The following RBM43 variants were observed in gnomAD, a reference collection of about 807,000 sequenced individuals.
RBM43 encodes RNA binding motif protein 43.
Under a neutral mutation model 12.4 loss-of-function variants are expected in RBM43, and 12 were observed. That is an observed-to-expected ratio of 0.97 (90% CI 0.62 to 1.57). The LOEUF (loss-of-function observed/expected upper bound fraction) is 1.57. Ranked by LOEUF, RBM43 falls within the 40% of genes most tolerant of loss-of-function variation. The pLI is 0.00. For missense variants in RBM43, 348 were observed against 400.1 expected, an observed-to-expected ratio of 0.87 and a Z score of 1.11; for synonymous variants, 138 against 145.7, an observed-to-expected ratio of 0.95 and a Z score of 0.38.
intron 1 of RBM43, 89 bp from the exon 2 acceptor site, chr2:151,255,832 T>C (rs1162514251): frequency 5.0e-6 from 5 of 1,003,634 alleles, no homozygotes; most frequent in Non-Finnish European, 7.6e-6. Context: ...GAATATCTTA[T>C]TCTATAAAAG....
chr2:151,252,944 A>G (rs1682924377), intron 2 of RBM43, 89 bp from the exon 3 acceptor site: 1 of 579,352 alleles, frequency 1.7e-6, no homozygotes, highest in Non-Finnish European at 3.0e-6. Context: ...TTATAGAAGA[A>G]TGTCTAAGAT....
intron 1 of RBM43, among the ~76,000 whole-genome samples, chr2:151,257,779 C>G (rs1006739877): frequency 1.3e-5 from 2 of 151,536 alleles, no homozygotes; most frequent in South Asian, 4.2e-4. Flanking sequence ...ATTGAAAACA[C>G]ATGGAAGTGG....
intron 3 of RBM43, among the ~76,000 whole-genome samples, chr2:151,252,243 C>T (rs1682911783): frequency 6.6e-6 from 1 of 152,148 alleles, no homozygotes; most frequent in Non-Finnish European, 1.5e-5. Context: ...TTAAGTGAGG[C>T]TGGGCGTGGT....
At chr2:151,255,140 C>T (rs995702688) in intron 2 of RBM43, among the ~76,000 whole-genome samples, 12 of 152,108 alleles carry the variant, frequency 7.9e-5, no homozygotes, top group Admixed American at 2.6e-4. Flanking sequence ...TTTAGCCAGG[C>T]GTGGTGGCTC....
chr2:151,258,078 AG>A (rs1185497859), intron 1 of RBM43, among the ~76,000 whole-genome samples: 1 of 152,142 alleles, frequency 6.6e-6, no homozygotes, highest in Non-Finnish European at 1.5e-5. Context: ...TAAAAAAAAA[AG>A]AAAGAAAGAA....
In RBM43 at chr2:151,255,643, A is replaced by C; in HGVS notation, c.104T>G (p.Leu35Ter). 1 of 1,613,680 alleles carries C rather than the reference A, an allele frequency of 6.2e-7. No homozygotes were observed. The highest frequency in any genetic ancestry group is 8.5e-7 in the Non-Finnish European group (1 of 1,179,682). Residue 35 changes from leucine (L) to a stop codon, truncating the protein, a stop_gained, in exon 2 of 4, where the codon TTA (leucine) becomes TGA (stop). Coordinates refer to ENST00000331426, the MANE Select transcript of RBM43 (RefSeq NM_198557.3). LOFTEE classifies it high-confidence loss of function. ...AATGTCTTGGAAGTGGCTCTTCACT[A>C]ATACGGCCAATAATTGATCACTAAA... ...DLFSDQLLAVLVKSHFQDIKN... is the reference protein window; with the variant it reads ...DLFSDQLLAV
Position 151,250,852 on chromosome 2 carries a change from G to T in RBM43, c.*54C>A. Reference sequence around the variant, plus strand: ...TAAAGCTAGCCTCATTCATGGCAATGGTCACTGCTCAGCAAGAGAAAGCAG... The same window carrying T: ...TAAAGCTAGCCTCATTCATGGCAATTGTCACTGCTCAGCAAGAGAAAGCAG... On this transcript the variant is annotated 3_prime_UTR_variant, in exon 4 of 4. Transcript: ENST00000331426. 7.6e-7 allele frequency: 1 copy of T among 1,310,038 alleles called. No homozygotes were observed. The highest frequency in any genetic ancestry group is 1.1e-6 in the Non-Finnish European group (1 of 946,466). 81.2% of individuals were successfully genotyped at this position (1,310,038 alleles called of 1,614,324 possible).
Position 151,249,908 on chromosome 2 carries a change from T to A in RBM43, c.*998A>T, listed in dbSNP as rs554213773. ...CAATATTATGTGTCCCAAGTACTTT[T>A]TCCCCCTAGCTTCTTGAGTCTGTTT... On this transcript the variant is annotated 3_prime_UTR_variant, in exon 4 of 4. Transcript: ENST00000331426. 7.9e-5 allele frequency: 12 copies of A among 152,328 alleles called. No homozygotes were observed. Among genetic ancestry groups the A allele is most frequent in the Admixed American group, 7.8e-4 (12 of 15,304 alleles). 9.4% of individuals were successfully genotyped at this position (152,328 alleles called of 1,614,324 possible).
At chr2:151,253,443 T>A (rs1159159855) in intron 2 of RBM43, among the ~76,000 whole-genome samples, 1 of 152,144 alleles carries the variant, frequency 6.6e-6, no homozygotes, top group African/African-American at 2.4e-5. Context: ...CTAATAGGCA[T>A]CTCATTGACC....
rs1337114564 is a variant in RBM43, at chr2:151,250,359, G to A, written c.*547C>T. On this transcript the variant is annotated 3_prime_UTR_variant, in exon 4 of 4. Transcript: ENST00000331426. ...CGCCTGTAATCCCAGCACTTTGGGA[G>A]GCCGAGGCGGGTGGATCACAAGGTC... 1 of 152,174 alleles carries A rather than the reference G, an allele frequency of 6.6e-6. No homozygotes were observed. 9.4% of individuals were successfully genotyped at this position (152,174 alleles called of 1,614,324 possible).
chr2:151,261,017 T>C (rs1339137237), intron 1 of RBM43: 6 of 462,780 alleles, frequency 1.3e-5, no homozygotes, highest in African/African-American at 1.2e-4. Context: ...AAATCAGTTG[T>C]TTATTTTCAA....
chr2:151,250,955 T>G lies in RBM43; in HGVS notation c.1025A>C (p.Tyr342Ser). The G allele has an allele frequency of 6.2e-7, 1 of 1,607,838 alleles. No individual in the cohort carries two copies. The change falls in exon 4 of 4, where the codon TAC (tyrosine) becomes TCC (serine). Residue 342 changes from tyrosine to serine, a missense_variant. Physicochemically the swap from Tyr to Ser is moderately radical, Grantham distance 144. Transcript: ENST00000331426. ...TTTCATGACCCCTTTTTTAAACAGGTAAGTGTCAGAAGAAGATCCTATAAT... is the reference window on the plus strand; with the variant it reads ...TTTCATGACCCCTTTTTTAAACAGGGAAGTGTCAGAAGAAGATCCTATAAT... ...IDIIGSSSDTYLFKKGVMKLI... is the reference protein window; with the variant it reads ...IDIIGSSSDTSLFKKGVMKLI...
At chr2:151,255,455 A>C (rs1019770925) in intron 2 of RBM43, 78 bp downstream of exon 2, 2 of 1,008,732 alleles carry the variant, frequency 2.0e-6, no homozygotes, top group African/African-American at 3.3e-5. Context: ...AATTCCGTGG[A>C]TCATTTTAAT....
Position 151,248,782 on chromosome 2 carries a change from T to A in RBM43, c.*2124A>T, listed in dbSNP as rs1682853139. The A allele has an allele frequency of 6.6e-6, 1 of 152,100 alleles. No homozygotes were observed. Among genetic ancestry groups the A allele is most frequent in the African/African-American group, 2.4e-5 (1 of 41,394 alleles). The allele number at this position is 152,100 out of a possible 1,614,324, so 9.4% of individuals were successfully genotyped here. The stretch of plus-strand genomic sequence containing the variant: ...GGGTGCTCTGATTTAATGTCAACTA[T>A]GCAAAAGCCAAGTAAATGCAAGCAC... On this transcript the variant is annotated 3_prime_UTR_variant, in exon 4 of 4. Coordinates refer to ENST00000331426, the MANE Select transcript of RBM43 (RefSeq NM_198557.3).
Position 151,261,570 on chromosome 2 carries a change from GC to G in RBM43, c.3+154del. Reference sequence around the variant, plus strand: ...CCGCCGGGGTGGACGGCTCTCCGGGGCCCCCGGGGTCCCTGGGGCCCCTCCG... The same window carrying G: ...CCGCCGGGGTGGACGGCTCTCCGGGGCCCCGGGGTCCCTGGGGCCCCTCCG... On this transcript the variant is annotated intron_variant, in intron 1 of 3. Coordinates refer to ENST00000331426, the MANE Select transcript of RBM43 (RefSeq NM_198557.3). 3 of 1,540,452 alleles carry G rather than the reference GC, an allele frequency of 1.9e-6. No individual in the cohort carries two copies. The South Asian group carries it at 3.6e-5, about 18-fold the overall frequency.
chr2:151,256,116 C>A (rs1682970108), intron 1 of RBM43, among the ~76,000 whole-genome samples: 2 of 152,118 alleles, frequency 1.3e-5, no homozygotes, highest in African/African-American at 4.8e-5. Flanking sequence ...TGCCCACCAC[C>A]ACACCCAGCT....
In RBM43 at chr2:151,251,026, C is replaced by G; in HGVS notation, c.954G>C (p.Ser318=). The G allele has an allele frequency of 1.9e-6, 3 of 1,614,010 alleles. No homozygotes were observed. Among genetic ancestry groups the G allele is most frequent in the South Asian group, 2.2e-5 (2 of 91,082 alleles). ...GGTTAATCAGGACTTCAAGGTATCT[C>G]GAACTTAATTGTTCACATGCCCTTT... is the stretch of plus-strand genomic sequence containing the variant. ...MIKRACEQLS[S]RYLEVLINLY... is the part of the protein sequence containing the mutation. Residue 318 remains serine (S), a synonymous_variant, in exon 4 of 4, where the codon TCG becomes TCC. Transcript: ENST00000331426.
intron 3 of RBM43, among the ~76,000 whole-genome samples, chr2:151,252,202 A>C (rs1331845253): frequency 6.6e-6 from 1 of 152,156 alleles, no homozygotes; most frequent in African/African-American, 2.4e-5. Context: ...CATCCATGAC[A>C]GTATAAGCGT....
chr2:151,252,473 A>G (rs897591891), intron 3 of RBM43, among the ~76,000 whole-genome samples: 3 of 152,230 alleles, frequency 2.0e-5, no homozygotes, highest in Admixed American at 6.5e-5. Context: ...GAGTGAGCCA[A>G]GATTATGCCA....
Sources: gnomAD v4.1 joint callset for allele counts (sites outside exome capture counted in the v4.1 genomes callset) on GRCh38, gnomAD v4.1.1 for gene constraint, MANE v1.5 for transcripts, NCBI Gene and HGNC (gene_info 2026-07-23, HGNC 2026-07-21) for gene names.